SKIC3: variants seen among roughly 807,000 people sequenced by gnomAD.
SKIC3 encodes superkiller complex protein 3.
chr5:95,525,750 G>C, the SKIC3 span: 5 of 1,369,260 alleles, frequency 3.7e-6, no homozygotes, highest in Admixed American at 6.8e-5. Flanking sequence ...ATTAACGAAC[G>C]AACACAGAAA....
At chr5:95,522,402 T>C in the SKIC3 span, 4 of 1,441,108 alleles carry the variant, frequency 2.8e-6, no homozygotes, top group East Asian at 2.5e-5. Context: ...TAAACATATA[T>C]ATCTGTGGCT....
chr5:95,532,360 A>G, the SKIC3 span, among the ~76,000 whole-genome samples: 2 of 152,268 alleles, frequency 1.3e-5, no homozygotes, highest in South Asian at 2.1e-4. Context: ...TAAAAACAAA[A>G]TAAGATCTGG....
the SKIC3 span, chr5:95,525,391 T>A: frequency 6.2e-7 from 1 of 1,613,210 alleles, no homozygotes; most frequent in Non-Finnish European, 8.5e-7. Flanking sequence ...AATTTATATA[T>A]CCTTACCATT....
the SKIC3 span, chr5:95,467,775 T>C: frequency 6.5e-7 from 1 of 1,543,726 alleles, no homozygotes. Flanking sequence ...GAAGTAACTT[T>C]GAACAATAAC....
the SKIC3 span, among the ~76,000 whole-genome samples, chr5:95,543,557 G>A: frequency 1.3e-5 from 2 of 152,204 alleles, no homozygotes; most frequent in Middle Eastern, 3.4e-3. Context: ...AAAGCTGCCC[G>A]AGGGATACTG....
the SKIC3 span, chr5:95,529,993 T>C: frequency 8.7e-6 from 13 of 1,497,126 alleles, no homozygotes; most frequent in Middle Eastern, 5.3e-4. Context: ...CCTTCCACCT[T>C]AGATAGACAT....
the SKIC3 span, among the ~76,000 whole-genome samples, chr5:95,490,504 A>ATATATAT: frequency 6.9e-6 from 1 of 144,264 alleles, no homozygotes; most frequent in African/African-American, 2.6e-5. Flanking sequence ...ATATATATAT[A>ATATATAT]TTTTTTTTTT....
At chr5:95,493,936 T>C in the SKIC3 span, among the ~76,000 whole-genome samples, 1 of 152,158 alleles carries the variant, frequency 6.6e-6, no homozygotes, top group Non-Finnish European at 1.5e-5. Flanking sequence ...CTCAGTACTT[T>C]TGTGATCAAC....
At chr5:95,528,435 TA>T in the SKIC3 span, among the ~76,000 whole-genome samples, 1 of 152,176 alleles carries the variant, frequency 6.6e-6, no homozygotes, top group Non-Finnish European at 1.5e-5. Context: ...CTATATTTGC[TA>T]AACAATAAAG....
the SKIC3 span, chr5:95,478,557 TG>T: frequency 7.1e-7 from 1 of 1,410,448 alleles, no homozygotes; most frequent in Admixed American, 1.9e-5. Flanking sequence ...TTTTAGTTAT[TG>T]GTAAGTTCTG....
At chr5:95,476,949 A>G in the SKIC3 span, among the ~76,000 whole-genome samples, 1 of 152,242 alleles carries the variant, frequency 6.6e-6, no homozygotes, top group Non-Finnish European at 1.5e-5. Flanking sequence ...TGTTAAAACT[A>G]TTATTAATTT....
the SKIC3 span, among the ~76,000 whole-genome samples, chr5:95,500,551 GTTA>G: frequency 6.6e-6 from 1 of 152,076 alleles, no homozygotes; most frequent in Admixed American, 6.5e-5. Flanking sequence ...TTTGCCATTA[GTTA>G]TTATACAAAT....
At chr5:95,519,601 T>C in the SKIC3 span, among the ~76,000 whole-genome samples, 1 of 152,036 alleles carries the variant, frequency 6.6e-6, no homozygotes, top group Non-Finnish European at 1.5e-5. Context: ...GAGCCTAAAT[T>C]CTTATTTTGA....
chr5:95,534,020 A>G, the SKIC3 span, among the ~76,000 whole-genome samples: 1 of 152,196 alleles, frequency 6.6e-6, no homozygotes, highest in Non-Finnish European at 1.5e-5. Flanking sequence ...ATAGCTGAAT[A>G]GGAAATAAAG....
chr5:95,514,917 G>A, the SKIC3 span: 1 of 1,612,204 alleles, frequency 6.2e-7, no homozygotes, highest in Non-Finnish European at 8.5e-7. Context: ...AAAGCCTCAT[G>A]AGCTTGCTAG....
chr5:95,551,313 T>C, the SKIC3 span, among the ~76,000 whole-genome samples: 1 of 152,064 alleles, frequency 6.6e-6, no homozygotes, highest in Non-Finnish European at 1.5e-5. Flanking sequence ...GAAGTGGTTT[T>C]GAAAAACTGA....
At chr5:95,513,764 C>A in the SKIC3 span, 1 of 889,418 alleles carries the variant, frequency 1.1e-6, no homozygotes, top group Non-Finnish European at 1.8e-6. Flanking sequence ...GCAAAGTTAA[C>A]CTAAGTTTTT....
the SKIC3 span, among the ~76,000 whole-genome samples, chr5:95,471,766 G>A: frequency 2.0e-5 from 3 of 152,238 alleles, no homozygotes; most frequent in East Asian, 1.9e-4. Context: ...GTAAGGTGGT[G>A]CCAAGCTCTC....
At chr5:95,554,037 C>T in the SKIC3 span, among the ~76,000 whole-genome samples, 15 of 152,314 alleles carry the variant, frequency 9.8e-5, 1 homozygote, top group East Asian at 1.7e-3. Flanking sequence ...GTCATTTAAC[C>T]TCTCTAAGCC....
Sources: gnomAD v4.1 joint callset for allele counts (sites outside exome capture counted in the v4.1 genomes callset) on GRCh38, gnomAD v4.1.1 for gene constraint, MANE v1.5 for transcripts, NCBI Gene and HGNC (gene_info 2026-07-23, HGNC 2026-07-21) for gene names.